The following POF1B variants were observed in gnomAD, a reference collection of about 807,000 sequenced individuals.
POF1B encodes the protein POF1B actin binding protein.
A neutral mutation model predicts 55.3 loss-of-function variants in POF1B; 53 were observed. The observed-to-expected ratio is 0.96, with a 90% CI of 0.77 to 1.20. The LOEUF (loss-of-function observed/expected upper bound fraction) is 1.20. Among genes scored for constraint, POF1B ranks in the 50% most tolerant of loss-of-function variants. The probability of loss-of-function intolerance (pLI) is 0.00; values close to 1 mark genes in which losing one functional copy is unlikely to be tolerated. For missense variants in POF1B, 478 were observed against 420.5 expected (o/e 1.14, Z -1.20); for synonymous variants, 188 against 148.3 (o/e 1.27, Z -1.95).
intron 15 of POF1B, among the ~76,000 whole-genome samples, chrX:85,300,262 A>C (rs1932414477): frequency 8.9e-6 from 1 of 111,882 alleles, no homozygotes; most frequent in African/African-American, 3.3e-5. Flanking sequence ...CTGAGCCCTC[A>C]GTACTGGCTA....
chrX:85,352,072 G>A (rs1335737546), intron 4 of POF1B, among the ~76,000 whole-genome samples: 1 of 110,834 alleles, frequency 9.0e-6, no homozygotes, highest in Non-Finnish European at 1.9e-5. Flanking sequence ...CTAAATTGCT[G>A]TAAGATTAGC....
At chrX:85,287,384 A>G (rs1204807060) in intron 15 of POF1B, among the ~76,000 whole-genome samples, 1 of 111,242 alleles carries the variant, frequency 9.0e-6, no homozygotes, top group Non-Finnish European at 1.9e-5. Context: ...CATACAGTTT[A>G]CCAATATCAA....
intron 15 of POF1B, among the ~76,000 whole-genome samples, chrX:85,295,344 T>C (rs1003148435): frequency 2.7e-5 from 3 of 112,015 alleles, no homozygotes; most frequent in Admixed American, 9.5e-5. Flanking sequence ...TTCTAACTTT[T>C]GTTGTAGGTG....
At position 85,282,188 on chromosome X, in the gene POF1B, C is replaced by T. The variant is rs1285404537; in HGVS notation, c.1764+15G>A. 3 of 1,176,449 alleles carry T rather than the reference C, an allele frequency of 2.6e-6. No homozygotes were observed. Among genetic ancestry groups the T allele is most frequent in the Non-Finnish European group, 2.3e-6 (2 of 877,871 alleles). ...TATCGTCAAAATAGGGCTAAAAATGCCCAAGTGAACTTACACAAGTGTATT... is the reference window on the plus strand; with the variant it reads ...TATCGTCAAAATAGGGCTAAAAATGTCCAAGTGAACTTACACAAGTGTATT... On this transcript the variant is annotated intron_variant, in intron 16 of 16. Coordinates refer to ENST00000262753, the MANE Select transcript of POF1B (RefSeq NM_024921.4).
At chrX:85,318,686 T>C (rs1169735828) in intron 7 of POF1B, among the ~76,000 whole-genome samples, 1 of 111,420 alleles carries the variant, frequency 9.0e-6, no homozygotes, top group East Asian at 2.8e-4. Flanking sequence ...TTGTAGGTGT[T>C]TGGCATTATT....
intron 4 of POF1B, among the ~76,000 whole-genome samples, chrX:85,358,056 T>C (rs1358395514): frequency 2.7e-5 from 3 of 111,342 alleles, no homozygotes; most frequent in Non-Finnish European, 5.7e-5. Context: ...TCATCGAATC[T>C]TGTTAAAGCT....
chrX:85,289,320 C>T (rs1326059370), intron 15 of POF1B, among the ~76,000 whole-genome samples: 1 of 111,781 alleles, frequency 8.9e-6, no homozygotes, highest in African/African-American at 3.3e-5. Context: ...AAAAGTTGCT[C>T]TGGTCCAGGG....
chrX:85,358,136 G>A (rs1204058257), intron 4 of POF1B, among the ~76,000 whole-genome samples: 6 of 111,299 alleles, frequency 5.4e-5, no homozygotes, highest in African/African-American at 9.8e-5. Context: ...AGCAAGTTAC[G>A]CTTATTCAAA....
intron 16 of POF1B, 78 bp downstream of exon 16, chrX:85,282,125 A>T (rs1931912827): frequency 3.0e-6 from 3 of 1,011,746 alleles, no homozygotes; most frequent in Admixed American, 9.0e-5. Context: ...TTTTTAGTTC[A>T]TTTGATATTT....
chrX:85,327,320 C>G (rs979193888), intron 7 of POF1B, among the ~76,000 whole-genome samples: 1 of 111,371 alleles, frequency 9.0e-6, no homozygotes, highest in Non-Finnish European at 1.9e-5. Context: ...TCTTCAGCCC[C>G]CATAATATTT....
At position 85,379,315 on chromosome X, in the gene POF1B, A is replaced by G. The variant is rs1373220426; in HGVS notation, c.140T>C (p.Val47Ala). The G allele has an allele frequency of 8.3e-7, 1 of 1,210,331 alleles. No individual in the cohort carries two copies. Among genetic ancestry groups the G allele is most frequent in the Non-Finnish European group, 1.1e-6 (1 of 895,256 alleles). The change falls in exon 2 of 17, where the codon GTA (valine) becomes GCA (alanine). Residue 47 changes from valine to alanine, a missense_variant. Transcript: ENST00000262753. ...SQAQQPPEKN[V>A]VYERVRTYSG... ...GTAGGTCCTCACTCGCTCATACACT[A>G]CATTTTTTTCTGGAGGCTGCTGGGC...
chrX:85,353,529 T>A (rs1041373096), intron 4 of POF1B, among the ~76,000 whole-genome samples: 1 of 111,007 alleles, frequency 9.0e-6, no homozygotes, highest in East Asian at 2.9e-4. Flanking sequence ...AATAACAATC[T>A]AGGTCTGATT....
rs373832898 is a variant in POF1B at position 85,288,290 on chromosome X, T to C, written c.1650-5973A>G. On this transcript the variant is annotated intron_variant, in intron 15 of 16. Transcript: ENST00000262753. ...AGAGTGGTTGAGAAGTCGTACTCTC[T>C]TCCTCTACCCTGTCCCCCACTTGTA... Among the ~76,000 whole-genome samples, 13 of 111,180 alleles carry C rather than the reference T, an allele frequency of 1.2e-4. No homozygotes were observed. In the South Asian group the frequency reaches 3.8e-3, roughly 33 times the overall value.
At position 85,379,225 on chromosome X, in the gene POF1B, G is replaced by A. The variant is rs916565566; in HGVS notation, c.230C>T (p.Pro77Leu). The change falls in exon 2 of 17, where the codon CCT (proline) becomes CTT (leucine). Residue 77 changes from proline (P) to leucine (L), a missense_variant. By Grantham distance (98) the Pro-to-Leu change is moderately conservative (BLOSUM62 -3). Transcript: ENST00000262753. ...TTGGTAGGAGGAGGTGGTTTTGAGA[G>A]GGGAGAGCACTTCCCGTGAGTTGAA... ...DPFNSREVLS[P>L]LKTTSSYQNL... 1 of 1,211,135 alleles carries A rather than the reference G, an allele frequency of 8.3e-7. No individual in the cohort carries two copies. Among genetic ancestry groups the A allele is most frequent in the Non-Finnish European group, 1.1e-6 (1 of 895,291 alleles).
chrX:85,309,673 A>G (rs1932655288), intron 9 of POF1B, among the ~76,000 whole-genome samples: 2 of 111,608 alleles, frequency 1.8e-5, no homozygotes, highest in South Asian at 7.4e-4. Flanking sequence ...CTAGCAGGAC[A>G]GAAAACTTTT....
chrX:85,306,378 T>A, intron 11 of POF1B, 45 bp from the exon 12 acceptor site: 3 of 1,136,449 alleles, frequency 2.6e-6, no homozygotes, highest in Non-Finnish European at 3.6e-6. Flanking sequence ...ATTTTGTTTT[T>A]GGTGAGGGAG....
chrX:85,297,500 G>C (rs1004004379), intron 15 of POF1B, among the ~76,000 whole-genome samples: 5 of 112,009 alleles, frequency 4.5e-5, no homozygotes, highest in Non-Finnish European at 7.5e-5. Context: ...GCTCTGTATG[G>C]GATCTTTATT....
At chrX:85,379,523 GAA>G in intron 1 of POF1B, 28 bp from the exon 2 acceptor site, 1 of 1,097,995 alleles carries the variant, frequency 9.1e-7, no homozygotes, top group Non-Finnish European at 1.2e-6. Context: ...AAATATAATG[GAA>G]AAAAAAGACA....
At position 85,278,515 on chromosome X, in the gene POF1B, C is replaced by G. The variant is rs1351663961; in HGVS notation, c.*906G>C. The G allele has an allele frequency of 9.0e-6, 1 of 111,531 alleles. No individual in the cohort carries two copies. The highest frequency in any genetic ancestry group is 1.9e-5 in the Non-Finnish European group (1 of 52,596). 9.2% of individuals were successfully genotyped at this position (111,531 alleles called of 1,213,427 possible). ...TCAACTTCTAAGTATACTAAATACT[C>G]TGCTACAAAATATTTCTCCCAAGTA... On this transcript the variant is annotated 3_prime_UTR_variant, in exon 17 of 17. Transcript: ENST00000262753.
Sources: gnomAD v4.1 joint callset for allele counts (sites outside exome capture counted in the v4.1 genomes callset) on GRCh38, gnomAD v4.1.1 for gene constraint, MANE v1.5 for transcripts, NCBI Gene and HGNC (gene_info 2026-07-23, HGNC 2026-07-21) for gene names.